Variants in STK32C observed in about 807,000 individuals in gnomAD.
STK32C encodes the protein serine/threonine kinase 32C, also known as serine/threonine-protein kinase 32C.
STK32C carries 31 observed loss-of-function variants against 56.5 expected under a neutral mutation model. The observed-to-expected ratio is 0.55, with a 90% confidence interval of 0.41 to 0.74. The LOEUF (loss-of-function observed/expected upper bound fraction) is 0.74, where lower values mean the gene tolerates loss of function less well. Ranked by LOEUF, STK32C falls within the 30% of genes least tolerant of loss-of-function variation. The pLI is 0.00. For missense variants in STK32C, 544 were observed against 676.9 expected (o/e 0.80, Z 2.18); for synonymous variants, 309 against 289.4 (o/e 1.07, Z -0.69).
intron 1 of STK32C, among the ~76,000 whole-genome samples, chr10:132,278,791 C>T (rs958294627): frequency 6.7e-6 from 1 of 149,454 alleles, no homozygotes; most frequent in African/African-American, 2.5e-5. Context: ...CAAAATACTA[C>T]AAACTGAGAA....
chr10:132,277,548 G>A (rs1160942328), intron 1 of STK32C, among the ~76,000 whole-genome samples: 1 of 152,204 alleles, frequency 6.6e-6, no homozygotes, highest in South Asian at 2.1e-4. Flanking sequence ...AGAGCTCAGT[G>A]GCCAATCACC....
chr10:132,237,666 G>A (rs2063342493), intron 2 of STK32C, among the ~76,000 whole-genome samples: 1 of 151,824 alleles, frequency 6.6e-6, no homozygotes, highest in Admixed American at 6.6e-5. Context: ...TGGCCCCGGT[G>A]CAGCTCCATC....
intron 10 of STK32C, among the ~76,000 whole-genome samples, chr10:132,212,063 C>T (rs1026327414): frequency 4.6e-5 from 7 of 152,052 alleles, no homozygotes; most frequent in South Asian, 2.1e-4. Context: ...TCCCTAGCAC[C>T]GCCACAAACC....
chr10:132,221,518 C>T (rs1174250364), intron 10 of STK32C, among the ~76,000 whole-genome samples: 1 of 141,526 alleles, frequency 7.1e-6, no homozygotes, highest in Non-Finnish European at 1.5e-5. Flanking sequence ...GCACACACAA[C>T]TAATATCAAC....
chr10:132,308,771 T>C (rs1427403077), upstream of STK32C, among the ~76,000 whole-genome samples: 2 of 152,108 alleles, frequency 1.3e-5, no homozygotes, highest in African/African-American at 4.8e-5. Context: ...ACTCGGCGTA[T>C]TTCGGAGGCC....
chr10:132,331,584 C>A, exon 1 of STK32C: 1 of 1,612,926 alleles, frequency 6.2e-7, no homozygotes, highest in South Asian at 1.1e-5. Context: ...CAGGAAGCCC[C>A]AGGAGAGACG....
intron 1 of STK32C, among the ~76,000 whole-genome samples, chr10:132,266,471 C>T (rs1590325669): frequency 6.6e-6 from 1 of 152,122 alleles, no homozygotes; most frequent in Admixed American, 6.5e-5. Flanking sequence ...TGTAATTATA[C>T]CTCAATACAA....
chr10:132,327,530 C>T (rs900439781), intron 1 of STK32C, among the ~76,000 whole-genome samples: 6 of 151,694 alleles, frequency 4.0e-5, no homozygotes, highest in African/African-American at 1.5e-4. Context: ...GGCTGGAGTG[C>T]AGTGGCATGC....
At chr10:132,281,701 C>A (rs572883350) in intron 1 of STK32C, among the ~76,000 whole-genome samples, 1 of 152,184 alleles carries the variant, frequency 6.6e-6, no homozygotes, top group Non-Finnish European at 1.5e-5. Flanking sequence ...CTGGGCCGGT[C>A]GGGTGGTTTG....
intron 1 of STK32C, among the ~76,000 whole-genome samples, chr10:132,270,914 C>A (rs993771467): frequency 1.3e-5 from 2 of 151,088 alleles, no homozygotes; most frequent in African/African-American, 4.9e-5. Flanking sequence ...AAGGATGCAG[C>A]CCCCCTCCAG....
intron 1 of STK32C, among the ~76,000 whole-genome samples, chr10:132,268,868 T>TC (rs1293758196): frequency 2.0e-5 from 3 of 149,466 alleles, no homozygotes; most frequent in Admixed American, 6.6e-5. Context: ...TGCATGCATG[T>TC]CCCACATCGT....
intron 1 of STK32C, among the ~76,000 whole-genome samples, chr10:132,254,878 G>A (rs1021441180): frequency 3.3e-5 from 5 of 152,236 alleles, no homozygotes; most frequent in Non-Finnish European, 4.4e-5. Flanking sequence ...TTGGAGGCCC[G>A]GGAAGTGGGT....
chr10:132,271,798 G>A (rs574324856), intron 1 of STK32C, among the ~76,000 whole-genome samples: 2 of 152,310 alleles, frequency 1.3e-5, no homozygotes, highest in African/African-American at 4.8e-5. Context: ...GTGTGGGTGG[G>A]GATCTGGAGT....
At chr10:132,297,692 A>G (rs535081915) in intron 1 of STK32C, among the ~76,000 whole-genome samples, 1 of 152,330 alleles carries the variant, frequency 6.6e-6, no homozygotes, top group African/African-American at 2.4e-5. Context: ...ATAAACAAAG[A>G]CCCTGGCAGT....
intron 1 of STK32C, among the ~76,000 whole-genome samples, chr10:132,257,335 G>A (rs565136401): frequency 9.1e-4 from 139 of 152,052 alleles, no homozygotes; most frequent in South Asian, 1.9e-3. Context: ...TCCCACACCC[G>A]TGCCACTGTC....
downstream of STK32C, among the ~76,000 whole-genome samples, chr10:132,322,184 T>A (rs893364459): frequency 6.6e-6 from 1 of 152,224 alleles, no homozygotes; most frequent in African/African-American, 2.4e-5. Context: ...ATCTTTTATA[T>A]TTTTATTGGC....
At chr10:132,228,425 C>A (rs1346596487) in intron 2 of STK32C, among the ~76,000 whole-genome samples, 2 of 152,198 alleles carry the variant, frequency 1.3e-5, no homozygotes, top group East Asian at 3.9e-4. Flanking sequence ...TCAGTGACAT[C>A]CTGGCTCCAT....
chr10:132,313,896 A>C (rs565720800), intron 1 of STK32C, among the ~76,000 whole-genome samples: 2 of 152,360 alleles, frequency 1.3e-5, no homozygotes, highest in South Asian at 4.1e-4. Flanking sequence ...GGGTTGTTTA[A>C]GACCCATGCA....
intron 1 of STK32C, among the ~76,000 whole-genome samples, chr10:132,290,588 G>T (rs930374741): frequency 6.6e-6 from 1 of 152,184 alleles, no homozygotes; most frequent in Non-Finnish European, 1.5e-5. Flanking sequence ...TATGAGGATG[G>T]ATTCCAAGAG....
Sources: gnomAD v4.1 joint callset for allele counts (sites outside exome capture counted in the v4.1 genomes callset) on GRCh38, gnomAD v4.1.1 for gene constraint, MANE v1.5 for transcripts, NCBI Gene and HGNC (gene_info 2026-07-23, HGNC 2026-07-21) for gene names.